Variants in FLT3 observed in about 807,000 individuals in gnomAD.
FLT3 encodes receptor-type tyrosine-protein kinase FLT3.
A neutral mutation model predicts 126.6 loss-of-function variants in FLT3; 46 were observed. The observed-to-expected ratio is 0.36, with a 90% CI of 0.29 to 0.46. The LOEUF (loss-of-function observed/expected upper bound fraction) is 0.46, where lower values mean the gene tolerates loss of function less well. Among genes scored for constraint, FLT3 ranks in the 20% least tolerant of loss-of-function variants. The probability of loss-of-function intolerance (pLI) is 1.00; values close to 1 mark genes in which losing one functional copy is unlikely to be tolerated. For synonymous variants in FLT3, 404 were observed against 434.4 expected (o/e 0.93, Z 0.87); for missense variants, 1,069 against 1,190.3 (o/e 0.90, Z 1.50).
At chr13:28,089,901 A>G (rs1878921207) in intron 1 of FLT3, among the ~76,000 whole-genome samples, 1 of 150,282 alleles carries the variant, frequency 6.7e-6, no homozygotes, top group African/African-American at 2.5e-5. Context: ...TGCCCGGCTA[A>G]GTTTTATATA....
chr13:28,032,888 C>T lies in FLT3; in HGVS notation c.1942+999G>A, dbSNP rs115631298. On this transcript the variant is annotated intron_variant, in intron 15 of 23. Transcript: ENST00000241453. ...CATTAGGCTTGGTTTGGTTTGAAGT[C>T]ACTGTTGACCTTAGCAAGAGAGCCA... Among the ~76,000 whole-genome samples the T allele has an allele frequency of 5.2e-3, 792 of 152,286 alleles. 5 individuals are homozygous for T. Among genetic ancestry groups the T allele is most frequent in the African/African-American group, 0.017 (726 of 41,554 alleles).
rs748939415 is a variant in FLT3, at chr13:28,023,377, T to G, written c.2391A>C (p.Lys797Asn). ...ACTTAAATTCCAGAAATTCCATTCCTTTGGCAACTTGATATGCAAAGCAAA... is the reference window on the plus strand; with the variant it reads ...ACTTAAATTCCAGAAATTCCATTCCGTTGGCAACTTGATATGCAAAGCAAA... ...DLLCFAYQVA[K>N]GMEFLEFKSC... is the part of the protein sequence containing the mutation. Residue 797 changes from lysine to asparagine, a missense_variant, in exon 19 of 24, where the codon AAA (lysine) becomes AAC (asparagine). Coordinates refer to ENST00000241453, the MANE Select transcript of FLT3 (RefSeq NM_004119.3). The G allele has an allele frequency of 6.2e-6, 10 of 1,613,874 alleles. No homozygotes were observed. The highest frequency in any genetic ancestry group is 6.8e-6 in the Non-Finnish European group (8 of 1,179,930).
At chr13:28,036,104 T>C in intron 10 of FLT3, 61 bp from the exon 11 acceptor site, 6 of 1,390,058 alleles carry the variant, frequency 4.3e-6, no homozygotes, top group Non-Finnish European at 4.1e-6. Context: ...ACTCCTATAA[T>C]ACCAATACTT....
intron 20 of FLT3, among the ~76,000 whole-genome samples, chr13:28,016,601 C>G (rs1485877309): frequency 6.6e-6 from 1 of 152,130 alleles, no homozygotes; most frequent in Non-Finnish European, 1.5e-5. Flanking sequence ...GTTGACGAGT[C>G]CTTCACAGCA....
chr13:28,013,199 C>T (rs1871547811), intron 23 of FLT3, among the ~76,000 whole-genome samples: 1 of 152,192 alleles, frequency 6.6e-6, no homozygotes, highest in Non-Finnish European at 1.5e-5. Context: ...TACACACTAT[C>T]TACCCAGGTC....
In FLT3 at chr13:28,024,848, A is replaced by C; in HGVS notation, c.2290+13T>G. On this transcript the variant is annotated intron_variant, in intron 18 of 23. Transcript: ENST00000241453. ...TCCATTTTAAAGTGCTACTACTTAG[A>C]ATAAAATATTACCTTCAGAGTGAAA... is the stretch of plus-strand genomic sequence containing the variant. 1 of 1,541,812 alleles carries C rather than the reference A, an allele frequency of 6.5e-7. No homozygotes were observed. Among genetic ancestry groups the C allele is most frequent in the Non-Finnish European group, 8.9e-7 (1 of 1,122,734 alleles).
chr13:28,080,885 G>A (rs1878262460), intron 1 of FLT3, among the ~76,000 whole-genome samples: 1 of 152,118 alleles, frequency 6.6e-6, no homozygotes, highest in Admixed American at 6.6e-5. Flanking sequence ...TTTGTTGAAA[G>A]ACTGATTTCT....
At chr13:28,039,362 C>T (rs7338445) in intron 9 of FLT3, among the ~76,000 whole-genome samples, 69,507 of 151,380 alleles carry the variant, frequency 0.46, 17,910 homozygotes, top group East Asian at 0.7. Context: ...CCACCACGCC[C>T]GGCTAATTTT....
intron 4 of FLT3, among the ~76,000 whole-genome samples, chr13:28,054,584 A>G (rs1875841700): frequency 6.6e-6 from 1 of 152,058 alleles, no homozygotes; most frequent in African/African-American, 2.4e-5. Context: ...AAAAAGCAAA[A>G]AACAAACCCA....
In FLT3 at chr13:28,100,353, C is replaced by G. The variant is rs1007864963; in HGVS notation, c.43+115G>C. Reference sequence around the variant, plus strand: ...GGGGCGCGGGAGGCAATGGAAGGAGCGAGCGCGGGGAGGAGCGAGGCGGCT... The same window carrying G: ...GGGGCGCGGGAGGCAATGGAAGGAGGGAGCGCGGGGAGGAGCGAGGCGGCT... On this transcript the variant is annotated intron_variant, in intron 1 of 23. Transcript: ENST00000241453. This position sits in a 1 kb window ranked among gnomAD's most constrained non-coding sequence, Gnocchi z 4.8. 2 of 697,902 alleles carry G rather than the reference C, an allele frequency of 2.9e-6. No homozygotes were observed. The highest frequency in any genetic ancestry group is 3.8e-5 in the East Asian group (1 of 26,622). The allele number at this position is 697,902 out of a possible 1,614,324, so 43.2% of individuals were successfully genotyped here.
intron 9 of FLT3, among the ~76,000 whole-genome samples, chr13:28,040,311 G>C (rs779605440): frequency 2.0e-5 from 3 of 151,780 alleles, no homozygotes; most frequent in Non-Finnish European, 4.4e-5. Context: ...TTTAATGGAG[G>C]AGAATGGGAA....
intron 1 of FLT3, among the ~76,000 whole-genome samples, chr13:28,097,397 T>G (rs1336164466): frequency 6.6e-6 from 1 of 152,174 alleles, no homozygotes; most frequent in Non-Finnish European, 1.5e-5. Context: ...TCCTTCCCAT[T>G]TAATATCTCA....
At chr13:28,035,808 T>C (rs1386780394) in intron 11 of FLT3, 127 bp downstream of exon 11, 69 of 1,208,688 alleles carry the variant, frequency 5.7e-5, no homozygotes, top group Non-Finnish European at 7.8e-5. Flanking sequence ...TTGAGAGTTA[T>C]GGTTGATTGA....
chr13:28,091,376 C>T lies in FLT3; in HGVS notation c.43+9092G>A, dbSNP rs551616574. Among the ~76,000 whole-genome samples the T allele has an allele frequency of 2.8e-3, 422 of 149,510 alleles. 3 individuals carry two copies. Among genetic ancestry groups the T allele is most frequent in the African/African-American group, 8.5e-3 (346 of 40,640 alleles). ...AGCTGGGACTACAGGCGCCCGCCAC[C>T]ACGCCCGGCTAATTTTTTGTATTTT... On this transcript the variant is annotated intron_variant, in intron 1 of 23. Transcript: ENST00000241453.
At chr13:28,069,153 G>A (rs575071089) in intron 2 of FLT3, among the ~76,000 whole-genome samples, 5 of 152,234 alleles carry the variant, frequency 3.3e-5, no homozygotes, top group African/African-American at 1.2e-4. Context: ...AGGGAGGCTA[G>A]CCCAGCAGCT....
At chr13:28,059,658 AT>A (rs1447478933) in intron 3 of FLT3, among the ~76,000 whole-genome samples, 4 of 152,150 alleles carry the variant, frequency 2.6e-5, no homozygotes, top group South Asian at 2.1e-4. Flanking sequence ...CTTTAAAAAA[AT>A]TTTTTTTTAA....
chr13:28,018,659 G>A (rs2137625081), intron 19 of FLT3, 70 bp from the exon 20 acceptor site: 2 of 1,546,378 alleles, frequency 1.3e-6, no homozygotes. Flanking sequence ...CTTTCTTCTA[G>A]ACTCAACTTC....
chr13:28,091,223 T>TC, intron 1 of FLT3, among the ~76,000 whole-genome samples: 12 of 115,148 alleles, frequency 1.0e-4, no homozygotes, highest in Admixed American at 4.3e-4. Context: ...TTTTTTTTTT[T>TC]TTTTTTTTTT....
intron 1 of FLT3, among the ~76,000 whole-genome samples, chr13:28,077,807 T>C (rs1465471499): frequency 6.6e-6 from 1 of 152,158 alleles, no homozygotes; most frequent in East Asian, 1.9e-4. Context: ...GCAAGCTAGT[T>C]ACTTCCTAGA....
Sources: allele counts gnomAD v4.1 joint callset (sites outside exome capture counted in the v4.1 genomes callset), GRCh38; gene constraint gnomAD v4.1.1; non-coding constraint Gnocchi (gnomAD v3.1); transcripts MANE v1.5; gene names NCBI Gene and HGNC (gene_info 2026-07-23, HGNC 2026-07-21).